The following DPYD variants were observed in gnomAD, a reference collection of about 807,000 sequenced individuals.
The protein encoded by DPYD is dihydropyrimidine dehydrogenase [NADP(+)].
Under a neutral mutation model 116.2 loss-of-function variants are expected in DPYD, and 109 were observed. The ratio of observed to expected loss-of-function variants is 0.94; its 90% CI spans 0.80 to 1.10. The LOEUF (loss-of-function observed/expected upper bound fraction) is 1.10, where lower values mean the gene tolerates loss of function less well. DPYD is among the 50% of genes least tolerant of loss of function. The pLI is 0.00. For missense variants in DPYD, 1,302 were observed against 1,254.5 expected (o/e 1.04, Z -0.57); for synonymous variants, 440 against 432.0 (o/e 1.02, Z -0.23).
At chr1:97,425,487 G>T (rs559796305) in intron 14 of DPYD, among the ~76,000 whole-genome samples, 54 of 152,042 alleles carry the variant, frequency 3.6e-4, no homozygotes, top group African/African-American at 1.2e-3. Flanking sequence ...TAGAGATTTC[G>T]GCTTTCCTGT....
intron 2 of DPYD, among the ~76,000 whole-genome samples, chr1:97,861,137 G>T (rs1276948619): frequency 1.3e-5 from 2 of 151,858 alleles, no homozygotes; most frequent in Admixed American, 6.6e-5. Context: ...GCAAAAAATA[G>T]ACATAAAATA....
At chr1:97,500,356 A>G (rs1210855026) in intron 13 of DPYD, among the ~76,000 whole-genome samples, 2 of 152,054 alleles carry the variant, frequency 1.3e-5, no homozygotes, top group Non-Finnish European at 2.9e-5. Flanking sequence ...TACAATTTTT[A>G]CTCAGTTAAA....
chr1:97,446,953 A>G (rs1676118807), intron 14 of DPYD, among the ~76,000 whole-genome samples: 1 of 152,098 alleles, frequency 6.6e-6, no homozygotes, highest in African/African-American at 2.4e-5. Context: ...AGATAAATAA[A>G]AGGAAACCTT....
chr1:97,750,645 T>A (rs1392804589), intron 3 of DPYD, among the ~76,000 whole-genome samples: 1 of 152,172 alleles, frequency 6.6e-6, no homozygotes. Context: ...ATGAAATTCC[T>A]TTCTCAAAAT....
At chr1:97,551,165 C>A (rs567127496) in intron 11 of DPYD, among the ~76,000 whole-genome samples, 264 of 152,194 alleles carry the variant, frequency 1.7e-3, no homozygotes, top group Non-Finnish European at 3.3e-3. Flanking sequence ...TTAAAATCTT[C>A]TACTGTTTCT....
chr1:97,363,670 G>T (rs529221339), intron 16 of DPYD, among the ~76,000 whole-genome samples: 1 of 152,182 alleles, frequency 6.6e-6, no homozygotes, highest in African/African-American at 2.4e-5. Flanking sequence ...GATACAGCTG[G>T]AAACCATCAT....
chr1:97,888,982 CCCTGTCTCTA>C (rs1672639638), intron 1 of DPYD, among the ~76,000 whole-genome samples: 1 of 151,936 alleles, frequency 6.6e-6, no homozygotes, highest in Non-Finnish European at 1.5e-5. Context: ...CATGGTGAAA[CCCTGTCTCTA>C]CTAAAAATAC....
intron 8 of DPYD, among the ~76,000 whole-genome samples, chr1:97,658,458 T>C (rs1017923747): frequency 6.6e-6 from 1 of 152,180 alleles, no homozygotes; most frequent in Non-Finnish European, 1.5e-5. Context: ...TTGAAAACAC[T>C]AAGCCACATA....
At position 97,573,833 on chromosome 1, in the gene DPYD, A is replaced by C. The variant is rs1384327482; in HGVS notation, c.1266T>G (p.Asp422Glu). ...EQDETGKWNE[D>E]EDQMVHLKAD... ...CTTTCAGATGGACCATCTGATCTTC[A>C]TCTTCATTCCATTTTCCAGTTTCAT... Residue 422 changes from aspartate (D) to glutamate (E), a missense_variant, in exon 11 of 23, where the codon GAT becomes GAG. Coordinates refer to ENST00000370192, the MANE Select transcript of DPYD (RefSeq NM_000110.4). 1.9e-6 allele frequency: 3 copies of C among 1,613,684 alleles called. No individual in the cohort carries two copies. The highest frequency in any genetic ancestry group is 2.2e-5 in the East Asian group (1 of 44,870).
At chr1:97,325,765 C>T (rs1468885062) in intron 16 of DPYD, among the ~76,000 whole-genome samples, 1 of 151,464 alleles carries the variant, frequency 6.6e-6, no homozygotes, top group Non-Finnish European at 1.5e-5. Context: ...TGGAGTAGAG[C>T]CTATGGAAAA....
At chr1:97,739,041 A>G (rs975291321) in intron 4 of DPYD, among the ~76,000 whole-genome samples, 2 of 152,090 alleles carry the variant, frequency 1.3e-5, no homozygotes, top group African/African-American at 4.8e-5. Context: ...CATAATTCTC[A>G]TATTTCCTCA....
At chr1:97,828,768 A>G (rs1444642636) in intron 2 of DPYD, among the ~76,000 whole-genome samples, 2 of 152,008 alleles carry the variant, frequency 1.3e-5, no homozygotes, top group East Asian at 3.8e-4. Flanking sequence ...ATATATATTT[A>G]TATACTTGAA....
chr1:97,890,249 T>C lies in DPYD; in HGVS notation c.40-6875A>G, dbSNP rs146074205. Among the ~76,000 whole-genome samples, 397 of 152,088 alleles carry C rather than the reference T, an allele frequency of 2.6e-3. 1 individual carries two copies. Among genetic ancestry groups the C allele is most frequent in the Non-Finnish European group, 3.6e-3 (246 of 67,900 alleles). On this transcript the variant is annotated intron_variant, in intron 1 of 22. Coordinates refer to ENST00000370192, the MANE Select transcript of DPYD (RefSeq NM_000110.4). ...GAATTCTATAATTTACATTGGTTAA[T>C]TGTTGATTTGTGAACTGTATATCAA...
intron 8 of DPYD, among the ~76,000 whole-genome samples, chr1:97,604,086 C>T (rs963650283): frequency 3.9e-5 from 6 of 152,062 alleles, no homozygotes; most frequent in South Asian, 2.1e-4. Context: ...ATGTAGCAAA[C>T]GCGCTTGTGA....
chr1:97,193,255 A>C lies in DPYD; in HGVS notation c.2443-7T>G. On this transcript the variant is annotated splice_region_variant and splice_polypyrimidine_tract_variant and intron_variant, in intron 19 of 22. Coordinates refer to ENST00000370192, the MANE Select transcript of DPYD (RefSeq NM_000110.4). Reference sequence around the variant, plus strand: ...TCTGAATGGCACTGCATACCTAGAAAAGACAGAGCAGTCAACCAAGTGTCA... The same window carrying C: ...TCTGAATGGCACTGCATACCTAGAACAGACAGAGCAGTCAACCAAGTGTCA... The C allele has an allele frequency of 6.2e-7, 1 of 1,612,670 alleles. No homozygotes were observed. The highest frequency in any genetic ancestry group is 8.5e-7 in the Non-Finnish European group (1 of 1,179,306).
At chr1:97,089,759 C>G (rs975480466) in intron 21 of DPYD, among the ~76,000 whole-genome samples, 9 of 151,230 alleles carry the variant, frequency 6.0e-5, no homozygotes, top group African/African-American at 1.9e-4. Flanking sequence ...ATGCAGATGC[C>G]AGGCTGTCCC....
chr1:97,736,603 G>T (rs1254803601), intron 4 of DPYD, among the ~76,000 whole-genome samples: 1 of 152,080 alleles, frequency 6.6e-6, no homozygotes, highest in Non-Finnish European at 1.5e-5. Context: ...AACGTGGAAA[G>T]AGGTAATTAG....
At chr1:97,724,424 G>C (rs976106782) in intron 4 of DPYD, among the ~76,000 whole-genome samples, 4 of 150,620 alleles carry the variant, frequency 2.7e-5, no homozygotes, top group African/African-American at 9.7e-5. Flanking sequence ...TCCAAGATCT[G>C]CAATTTGAGT....
intron 18 of DPYD, among the ~76,000 whole-genome samples, chr1:97,244,570 C>T (rs1662584876): frequency 6.6e-6 from 1 of 151,980 alleles, no homozygotes; most frequent in Admixed American, 6.6e-5. Flanking sequence ...GTTTAGTTTC[C>T]ATGGTAGATG....
Sources: allele counts gnomAD v4.1 joint callset (sites outside exome capture counted in the v4.1 genomes callset), GRCh38; gene constraint gnomAD v4.1.1; transcripts MANE v1.5; gene names NCBI Gene and HGNC (gene_info 2026-07-23, HGNC 2026-07-21).